Variants in RABGAP1L observed in about 807,000 individuals in gnomAD.
RABGAP1L encodes RAB GTPase activating protein 1 like, also known as rab GTPase-activating protein 1-like.
In RABGAP1L, 63 loss-of-function variants were observed where a neutral mutation model predicts 137.7. That is an observed-to-expected ratio of 0.46 (90% CI 0.37 to 0.56). RABGAP1L has a LOEUF of 0.56. Among genes scored for constraint, RABGAP1L ranks in the 20% least tolerant of loss-of-function variants. The probability of loss-of-function intolerance (pLI) is 0.00; values close to 1 mark genes in which losing one functional copy is unlikely to be tolerated. For synonymous variants in RABGAP1L, 431 were observed against 433.7 expected (o/e 0.99, Z 0.08); for missense variants, 1,095 against 1,244.0 (o/e 0.88, Z 1.80).
chr1:174,815,453 T>C (rs776714880), intron 19 of RABGAP1L, among the ~76,000 whole-genome samples: 2 of 152,248 alleles, frequency 1.3e-5, no homozygotes, highest in Non-Finnish European at 2.9e-5. Context: ...TAAACATTTT[T>C]AAATTATTTT....
At chr1:174,657,355 GC>G (rs1676040428) in intron 14 of RABGAP1L, among the ~76,000 whole-genome samples, 2 of 151,976 alleles carry the variant, frequency 1.3e-5, no homozygotes, top group South Asian at 4.1e-4. Context: ...CTCCCATTTA[GC>G]TGTAATTTTG....
intron 1 of RABGAP1L, among the ~76,000 whole-genome samples, chr1:174,162,185 T>G (rs1664525734): frequency 6.6e-6 from 1 of 152,150 alleles, no homozygotes; most frequent in Non-Finnish European, 1.5e-5. Context: ...TTCCTTTGAA[T>G]GAAAGAATTT....
At chr1:174,968,359 C>T (rs183723531) in intron 20 of RABGAP1L, among the ~76,000 whole-genome samples, 25 of 152,302 alleles carry the variant, frequency 1.6e-4, no homozygotes, top group Admixed American at 1.5e-3. Context: ...TCTCCTATAA[C>T]TGTTAACAGT....
At chr1:174,905,741 CT>C (rs1471230065) in intron 19 of RABGAP1L, among the ~76,000 whole-genome samples, 1 of 152,068 alleles carries the variant, frequency 6.6e-6, no homozygotes, top group Non-Finnish European at 1.5e-5. Flanking sequence ...ATCCCAGCTA[CT>C]CAGGAGGCTG....
At chr1:174,879,264 C>A (rs1052020873) in intron 19 of RABGAP1L, among the ~76,000 whole-genome samples, 30 of 152,126 alleles carry the variant, frequency 2.0e-4, no homozygotes, top group African/African-American at 7.0e-4. Flanking sequence ...CCATGCCCAG[C>A]TAATTTTTGT....
intron 1 of RABGAP1L, among the ~76,000 whole-genome samples, chr1:174,169,476 T>C (rs1665169794): frequency 6.6e-6 from 1 of 152,128 alleles, no homozygotes; most frequent in Non-Finnish European, 1.5e-5. Flanking sequence ...AGCCTTGGCC[T>C]CCCAAAGTGC....
chr1:174,963,337 A>T lies in RABGAP1L; in HGVS notation c.2433+5788A>T, dbSNP rs530806645. On this transcript the variant is annotated intron_variant, in intron 20 of 25. Coordinates refer to ENST00000681986, the MANE Select transcript of RABGAP1L (RefSeq NM_001366446.1). ...AATCCAGAGAGTTCATTGTTATAGG[A>T]TGGTGAAGATGCAAAACTAAATCCT... is the stretch of plus-strand genomic sequence containing the variant. Among the ~76,000 whole-genome samples the T allele has an allele frequency of 7.9e-5, 12 of 152,210 alleles. No individual in the cohort carries two copies. The East Asian group carries it at 1.7e-3, about 22-fold the overall frequency.
intron 13 of RABGAP1L, among the ~76,000 whole-genome samples, chr1:174,434,553 A>G (rs951972348): frequency 1.3e-5 from 2 of 152,170 alleles, no homozygotes; most frequent in Non-Finnish European, 2.9e-5. Flanking sequence ...CTGTTTGTCA[A>G]AGTTTTCAAA....
intron 17 of RABGAP1L, among the ~76,000 whole-genome samples, chr1:174,747,335 G>A (rs1284231919): frequency 1.4e-5 from 2 of 148,116 alleles, no homozygotes; most frequent in Non-Finnish European, 1.5e-5. Context: ...CTGGGAGGTT[G>A]AGGCTGCAGT....
At chr1:174,873,655 C>T (rs528246228) in intron 19 of RABGAP1L, among the ~76,000 whole-genome samples, 14 of 151,622 alleles carry the variant, frequency 9.2e-5, no homozygotes, top group Admixed American at 3.9e-4. Flanking sequence ...GGTCTACAGG[C>T]GCGCGCCACC....
intron 19 of RABGAP1L, among the ~76,000 whole-genome samples, chr1:174,819,414 C>A (rs1690789183): frequency 6.6e-6 from 1 of 151,898 alleles, no homozygotes; most frequent in Non-Finnish European, 1.5e-5. Context: ...CCAGATAGAC[C>A]CAGGGAATAT....
At chr1:174,187,657 C>G (rs1251446061) in intron 1 of RABGAP1L, among the ~76,000 whole-genome samples, 4 of 151,908 alleles carry the variant, frequency 2.6e-5, no homozygotes, top group Non-Finnish European at 4.4e-5. Flanking sequence ...TAATTAGGAC[C>G]CTTTTTAAAA....
At chr1:174,634,935 A>T (rs1433869091) in intron 13 of RABGAP1L, among the ~76,000 whole-genome samples, 1 of 147,088 alleles carries the variant, frequency 6.8e-6, no homozygotes, top group Non-Finnish European at 1.5e-5. Context: ...CTAATGCTAG[A>T]TGACGAGTTA....
chr1:174,351,087 A>T (rs953070777), intron 11 of RABGAP1L, among the ~76,000 whole-genome samples: 1 of 3,420 alleles, frequency 2.9e-4, no homozygotes, highest in Admixed American at 3.4e-3. Context: ...GGGGAGGGGG[A>T]GGGGGAGGGG....
rs1223519256 is a variant in RABGAP1L at position 174,887,272 on chromosome 1, A to G, written c.2341-70185A>G. On this transcript the variant is annotated intron_variant, in intron 19 of 25. Coordinates refer to ENST00000681986, the MANE Select transcript of RABGAP1L (RefSeq NM_001366446.1). ...ATATAATTGACCTAACTGACCCTTC[A>G]TATGATCACCATGGTTAGGTTAGCT... is the stretch of plus-strand genomic sequence containing the variant. Among the ~76,000 whole-genome samples, 3 of 152,212 alleles carry G rather than the reference A, an allele frequency of 2.0e-5. No individual in the cohort carries two copies. The East Asian group carries it at 5.8e-4, about 29-fold the overall frequency.
chr1:174,954,625 C>A (rs1352390545), intron 19 of RABGAP1L, among the ~76,000 whole-genome samples: 2 of 152,178 alleles, frequency 1.3e-5, no homozygotes, highest in Non-Finnish European at 2.9e-5. Context: ...TGAGTGGATC[C>A]ATTTTAGAAC....
chr1:174,226,379 A>G (rs570215344), intron 3 of RABGAP1L, among the ~76,000 whole-genome samples: 3 of 152,310 alleles, frequency 2.0e-5, no homozygotes, highest in Admixed American at 1.3e-4. Flanking sequence ...TGCGCAACAT[A>G]GCGAAACCCA....
intron 13 of RABGAP1L, among the ~76,000 whole-genome samples, chr1:174,530,197 C>T (rs1334444061): frequency 6.6e-6 from 1 of 151,516 alleles, no homozygotes; most frequent in African/African-American, 2.4e-5. Flanking sequence ...ACTGGGTGTA[C>T]TACTTGCACC....
chr1:174,864,895 C>T (rs1488793669), intron 19 of RABGAP1L, among the ~76,000 whole-genome samples: 3 of 152,178 alleles, frequency 2.0e-5, no homozygotes, highest in African/African-American at 7.2e-5. Flanking sequence ...GGGAGAGGAT[C>T]ACCCAGAGCT....
Sources: allele counts gnomAD v4.1 joint callset (sites outside exome capture counted in the v4.1 genomes callset), GRCh38; gene constraint gnomAD v4.1.1; transcripts MANE v1.5; gene names NCBI Gene and HGNC (gene_info 2026-07-23, HGNC 2026-07-21).